POTEF: variants seen among roughly 807,000 people sequenced by gnomAD.
POTEF encodes POTE ankyrin domain family member F.
A neutral mutation model predicts 83.2 loss-of-function variants in POTEF; 20 were observed. The ratio of observed to expected loss-of-function variants is 0.24; its 90% CI spans 0.17 to 0.35. POTEF has a LOEUF of 0.35. POTEF is among the 10% of genes least tolerant of loss of function. The probability of loss-of-function intolerance (pLI) is 1.00; values close to 1 mark genes in which losing one functional copy is unlikely to be tolerated. For missense variants in POTEF, 550 were observed against 1,203.2 expected (o/e 0.46, Z 8.03); for synonymous variants, 196 against 446.4 (o/e 0.44, Z 7.07).
chr2:130,116,404 AAC>A (rs1179539927), intron 3 of POTEF, among the ~76,000 whole-genome samples: 12 of 147,724 alleles, frequency 8.1e-5, no homozygotes, highest in African/African-American at 2.3e-4. Flanking sequence ...TACACAGGTA[AAC>A]ACGTGCACCA....
At chr2:130,128,418 G>A (rs988377489) in intron 1 of POTEF, among the ~76,000 whole-genome samples, 6 of 151,756 alleles carry the variant, frequency 4.0e-5, no homozygotes, top group African/African-American at 1.5e-4. Flanking sequence ...CACCACCTCT[G>A]CAGCCGACCA....
Position 130,120,178 on chromosome 2 carries a change from C to CTGCT in POTEF, c.334_337dup (p.Ser113LysfsTer14). 6.2e-7 allele frequency: 1 copy of CTGCT among 1,603,760 alleles called. No individual in the cohort carries two copies. Among genetic ancestry groups the CTGCT allele is most frequent in the Non-Finnish European group, 8.5e-7 (1 of 1,176,986 alleles). ...TCCCCAAGCGCCCACCTTGCTCTTG[C>CTGCT]TGCTCCCCCTGCAGCAGGGGAAGCA... On this transcript the variant is annotated frameshift_variant, in exon 3 of 17. Transcript: ENST00000409914. LOFTEE classifies it high-confidence loss of function.
In POTEF at chr2:130,107,482, C is replaced by T. The variant is rs1394356725; in HGVS notation, c.1126+527G>A. 4.0e-5 allele frequency among the ~76,000 whole-genome samples: 6 copies of T among 151,116 alleles called. 1 individual carries two copies. The highest frequency in any genetic ancestry group is 1.5e-4 in the African/African-American group (6 of 40,470). On this transcript the variant is annotated intron_variant, in intron 8 of 16. Transcript: ENST00000409914. The stretch of plus-strand genomic sequence containing the variant: ...GTCCTCAACTCCCAGGCCACAGACT[C>T]ATACCAGTCCATGGACTATTATGAA...
At chr2:130,127,452 G>C (rs1685125829) in intron 2 of POTEF, among the ~76,000 whole-genome samples, 2 of 147,654 alleles carry the variant, frequency 1.4e-5, no homozygotes, top group South Asian at 2.1e-4. Flanking sequence ...TCCAGAGATT[G>C]CAAGAGAAGG....
At chr2:130,076,817 G>T (rs1213935991) in intron 16 of POTEF, among the ~76,000 whole-genome samples, 1 of 151,544 alleles carries the variant, frequency 6.6e-6, no homozygotes, top group African/African-American at 2.5e-5. Context: ...GATGTGGAAA[G>T]ATCATCAATT....
At chr2:130,110,313 A>G (rs1180814219) in intron 7 of POTEF, among the ~76,000 whole-genome samples, 8 of 148,904 alleles carry the variant, frequency 5.4e-5, no homozygotes, top group East Asian at 2.0e-4. Context: ...GGGATCTCTA[A>G]GGATAAAGAT....
chr2:130,120,726 C>A (rs1285851167), intron 2 of POTEF, 118 bp from the exon 3 acceptor site: 4 of 916,062 alleles, frequency 4.4e-6, no homozygotes, highest in South Asian at 1.8e-5. Flanking sequence ...CCACGCCCCC[C>A]CTGGGCGACC....
At chr2:130,108,316 G>A (rs1684604431) in intron 7 of POTEF, among the ~76,000 whole-genome samples, 1 of 151,542 alleles carries the variant, frequency 6.6e-6, no homozygotes, top group African/African-American at 2.4e-5. Flanking sequence ...CAGTAAATTA[G>A]CTAGCATTAG....
At chr2:130,108,281 G>C (rs572777127) in intron 7 of POTEF, among the ~76,000 whole-genome samples, 19 of 151,214 alleles carry the variant, frequency 1.3e-4, no homozygotes, top group African/African-American at 2.5e-4. Flanking sequence ...AGGTGAAATA[G>C]TCATAAATCG....
At chr2:130,102,550 G>A (rs533027962) in intron 8 of POTEF, among the ~76,000 whole-genome samples, 1 of 147,414 alleles carries the variant, frequency 6.8e-6, no homozygotes, top group East Asian at 2.0e-4. Flanking sequence ...CCCGCACTTA[G>A]CTAGTCTGAC....
Position 130,117,638 on chromosome 2 carries a change from T to C in POTEF, c.522-2310A>G, listed in dbSNP as rs576990356. Among the ~76,000 whole-genome samples the C allele has an allele frequency of 1.5e-3, 231 of 152,086 alleles. 2 individuals carry two copies. Among genetic ancestry groups the C allele is most frequent in the Non-Finnish European group, 2.9e-4 (20 of 68,026 alleles). ...TCTCTGTATCTACTGACAACCTCAA[T>C]AGTTACATATTAGTCCATCCTATGG... On this transcript the variant is annotated intron_variant, in intron 3 of 16. Coordinates refer to ENST00000409914, the MANE Select transcript of POTEF (RefSeq NM_001099771.2).
chr2:130,118,347 G>C (rs1684897801), intron 3 of POTEF, among the ~76,000 whole-genome samples: 1 of 151,856 alleles, frequency 6.6e-6, no homozygotes, highest in Non-Finnish European at 1.5e-5. Flanking sequence ...ATAGGTCACT[G>C]GTAGATATGC....
At chr2:130,107,691 G>C (rs1202430571) in intron 8 of POTEF, 1 of 360,352 alleles carries the variant, frequency 2.8e-6, no homozygotes, top group Non-Finnish European at 5.1e-6. Flanking sequence ...TCTAGGTTGT[G>C]TGCTTCGTAT....
chr2:130,121,956 C>T (rs1208067343), intron 2 of POTEF, among the ~76,000 whole-genome samples: 2 of 150,774 alleles, frequency 1.3e-5, no homozygotes, highest in African/African-American at 2.5e-5. Flanking sequence ...TCCCTATTTT[C>T]CCCATTCTTC....
At position 130,105,180 on chromosome 2, in the gene POTEF, T is replaced by C. The variant is rs1336720928; in HGVS notation, c.1126+2829A>G. Among the ~76,000 whole-genome samples, 4 of 146,592 alleles carry C rather than the reference T, an allele frequency of 2.7e-5. No homozygotes were observed. In the Admixed American group the frequency reaches 2.8e-4, roughly 10 times the overall value. On this transcript the variant is annotated intron_variant, in intron 8 of 16. Coordinates refer to ENST00000409914, the MANE Select transcript of POTEF (RefSeq NM_001099771.2). The stretch of plus-strand genomic sequence containing the variant: ...TTCTGCCTCTGCTTTATATTCCCAC[T>C]GCCACTGGGAACACAAACATTTACA...
chr2:130,125,331 T>C (rs2104712247), intron 2 of POTEF, among the ~76,000 whole-genome samples: 1 of 148,610 alleles, frequency 6.7e-6, no homozygotes, highest in Admixed American at 6.6e-5. Context: ...ATTTAGATAT[T>C]ATCTCTTCAA....
At chr2:130,108,118 A>G in intron 7 of POTEF, 39 bp from the exon 8 acceptor site, 1 of 1,537,976 alleles carries the variant, frequency 6.5e-7, no homozygotes, top group East Asian at 2.4e-5. Flanking sequence ...TACTATTTTA[A>G]TACTGATATA....
chr2:130,127,044 G>C (rs182391455), intron 2 of POTEF, among the ~76,000 whole-genome samples: 4 of 151,890 alleles, frequency 2.6e-5, no homozygotes, highest in African/African-American at 7.3e-5. Flanking sequence ...AAAAATGGCC[G>C]GGAGTGGTGG....
Position 130,078,284 on chromosome 2 carries a change from T to C in POTEF, c.1779-1083A>G, listed in dbSNP as rs184418764. 9.0e-3 allele frequency among the ~76,000 whole-genome samples: 813 copies of C among 90,238 alleles called. 303 individuals carry two copies. The highest frequency in any genetic ancestry group is 0.014 in the Non-Finnish European group (578 of 42,004). 59.2% of individuals were successfully genotyped at this position (90,238 alleles called of 152,430 possible). On this transcript the variant is annotated intron_variant, in intron 15 of 16. Transcript: ENST00000409914. ...TACAAAATAAATGAATACCAATCAG[T>C]AGCACCACTATACATCAACTACAAC...
Sources: gnomAD v4.1 joint callset for allele counts (sites outside exome capture counted in the v4.1 genomes callset) on GRCh38, gnomAD v4.1.1 for gene constraint, MANE v1.5 for transcripts, NCBI Gene and HGNC (gene_info 2026-07-23, HGNC 2026-07-21) for gene names.